The following RFC1 variants were observed in gnomAD, a reference collection of about 807,000 sequenced individuals.
The protein encoded by RFC1 is replication factor C subunit 1, also known as A1 140 kDa subunit.
In RFC1, 37 loss-of-function variants were observed where a neutral mutation model predicts 137.4. The ratio of observed to expected loss-of-function variants is 0.27; its 90% confidence interval spans 0.21 to 0.35. The LOEUF (loss-of-function observed/expected upper bound fraction) is 0.35, where lower values mean the gene tolerates loss of function less well. Among genes scored for constraint, RFC1 ranks in the 10% least tolerant of loss-of-function variants. RFC1 has a pLI of 1.00. For synonymous variants in RFC1, 429 were observed against 455.7 expected, an observed-to-expected ratio of 0.94 and a Z score of 0.75; for missense variants, 1,205 against 1,358.5, an observed-to-expected ratio of 0.89 and a Z score of 1.78.
At chr4:39,360,156 A>G (rs1266851055) in intron 1 of RFC1, among the ~76,000 whole-genome samples, 1 of 152,178 alleles carries the variant, frequency 6.6e-6, no homozygotes, top group Non-Finnish European at 1.5e-5. Context: ...GTTTCAGGTC[A>G]GGAGTTTGAG....
Position 39,311,491 on chromosome 4 carries a change from G to A in RFC1, c.1442C>T (p.Thr481Ile). The change falls in exon 12 of 25, where the codon ACT becomes ATT. Residue 481 changes from threonine to isoleucine, a missense_variant. Thr to Ile is a moderately conservative substitution (Grantham distance 89). This residue lies in a region of RFC1 where 962 missense variants were observed against 1,035.3 expected (regional missense o/e 0.93). Transcript: ENST00000349703. ...ATACTTGGATTTCTTGCCTGGCATA[G>A]TCCGAATCAGATTCAACAGGCCATC... ...DEDGLLNLIR[T>I]MPGKKSKYEI... 1.2e-6 allele frequency: 2 copies of A among 1,614,072 alleles called. No individual in the cohort carries two copies. Among genetic ancestry groups the A allele is most frequent in the Non-Finnish European group, 1.7e-6 (2 of 1,179,990 alleles).
intron 2 of RFC1, among the ~76,000 whole-genome samples, chr4:39,350,133 A>G (rs556656749): frequency 3.5e-4 from 54 of 152,316 alleles, no homozygotes; most frequent in African/African-American, 1.1e-3. Flanking sequence ...AAAATTCACT[A>G]GATAGCCTTA....
At chr4:39,346,732 C>T (rs1309287219) in intron 2 of RFC1, among the ~76,000 whole-genome samples, 2 of 152,040 alleles carry the variant, frequency 1.3e-5, no homozygotes, top group African/African-American at 4.8e-5. Context: ...TTTATATATA[C>T]CACTGGATCA....
intron 21 of RFC1, among the ~76,000 whole-genome samples, chr4:39,297,114 T>C (rs1455930340): frequency 1.5e-5 from 2 of 136,164 alleles, no homozygotes. Context: ...GTTTTTTTCT[T>C]GTAAATTTGG....
intron 21 of RFC1, among the ~76,000 whole-genome samples, chr4:39,297,990 G>A (rs1231456706): frequency 6.6e-6 from 1 of 152,088 alleles, no homozygotes; most frequent in Non-Finnish European, 1.5e-5. Flanking sequence ...CAATTATTAA[G>A]TAAACAAAAC....
intron 1 of RFC1, among the ~76,000 whole-genome samples, chr4:39,355,411 C>A (rs755731719): frequency 5.3e-5 from 8 of 151,100 alleles, no homozygotes; most frequent in Admixed American, 5.3e-4. Flanking sequence ...CCAGCCTGGG[C>A]AACAGAGCAA....
At chr4:39,309,120 G>C in intron 12 of RFC1, 88 bp from the exon 13 acceptor site, 1 of 1,413,986 alleles carries the variant, frequency 7.1e-7, no homozygotes. Context: ...AGAGCAATCA[G>C]AGATATCCAA....
intron 15 of RFC1, 55 bp from the exon 16 acceptor site, chr4:39,303,206 A>T: frequency 8.5e-7 from 1 of 1,171,636 alleles, no homozygotes; most frequent in South Asian, 1.2e-5. Flanking sequence ...ACAATTGCTC[A>T]AAAACTGCTG....
At chr4:39,303,896 G>C (rs116001434) in intron 15 of RFC1, among the ~76,000 whole-genome samples, 1 of 152,128 alleles carries the variant, frequency 6.6e-6, no homozygotes, top group Non-Finnish European at 1.5e-5. Flanking sequence ...TATATAGGAT[G>C]CTTCCAAGCT....
At chr4:39,318,732 G>GA (rs1474668542) in intron 9 of RFC1, among the ~76,000 whole-genome samples, 1 of 152,176 alleles carries the variant, frequency 6.6e-6, no homozygotes, top group African/African-American at 2.4e-5. Flanking sequence ...ATTTAGTGCA[G>GA]AAAAAATCTG....
chr4:39,306,669 C>T lies in RFC1; in HGVS notation c.1918G>A (p.Gly640Ser), dbSNP rs1135544. Residue 640 changes from glycine (G) to serine (S), a missense_variant, in exon 14 of 25, where the codon GGC becomes AGC. This residue lies in a region of RFC1 where 962 missense variants were observed against 1,035.3 expected (regional missense o/e 0.93). Transcript: ENST00000349703. The stretch of plus-strand genomic sequence containing the variant: ...AGCAACGCTGCTTTAAAACTAGAGC[C>T]ATCATCTTTGCCGGAAAATTTACCA... The part of the protein sequence containing the change: ...KFGKFSGKDD[G>S]SSFKAALLSG... 20 of 1,613,862 alleles carry T rather than the reference C, an allele frequency of 1.2e-5. No individual in the cohort carries two copies. The highest frequency in any genetic ancestry group is 1.6e-5 in the Non-Finnish European group (19 of 1,179,768).
intron 10 of RFC1, among the ~76,000 whole-genome samples, chr4:39,315,812 C>T (rs1739211164): frequency 6.6e-6 from 1 of 152,246 alleles, no homozygotes; most frequent in Non-Finnish European, 1.5e-5. Context: ...GTCCCTATCA[C>T]TTCTCACCAT....
At chr4:39,291,574 G>T in intron 23 of RFC1, 65 bp downstream of exon 23, 1 of 1,147,950 alleles carries the variant, frequency 8.7e-7, no homozygotes, top group Non-Finnish European at 1.3e-6. Context: ...AAACACCTCC[G>T]AAGTATTGTC....
intron 6 of RFC1, among the ~76,000 whole-genome samples, chr4:39,324,526 G>A (rs998064124): frequency 6.6e-6 from 1 of 152,200 alleles, no homozygotes; most frequent in Non-Finnish European, 1.5e-5. Context: ...TGTAGTTTAT[G>A]TAATTCAGTG....
chr4:39,328,366 G>A (rs1739891951), intron 4 of RFC1, among the ~76,000 whole-genome samples: 2 of 152,294 alleles, frequency 1.3e-5, no homozygotes, highest in Admixed American at 6.5e-5. Context: ...AAGTCTAGAA[G>A]AGGAAACAGA....
chr4:39,301,101 C>CAAAAAAAAAAAAAAAA (rs1738334636), intron 19 of RFC1, among the ~76,000 whole-genome samples: 1 of 148,076 alleles, frequency 6.8e-6, no homozygotes, highest in African/African-American at 2.5e-5. Flanking sequence ...AAAAAAAAAA[C>CAAAAAAAAAAAAAAAA]CAAAAAAAAC....
intron 4 of RFC1, among the ~76,000 whole-genome samples, chr4:39,328,590 G>A (rs1201670242): frequency 1.3e-5 from 2 of 152,206 alleles, no homozygotes; most frequent in East Asian, 1.9e-4. Flanking sequence ...GAAAAGCCGA[G>A]ACGGAAGTGT....
chr4:39,304,628 T>C (rs1393500475), intron 15 of RFC1, among the ~76,000 whole-genome samples, 186 bp downstream of exon 15: 3 of 152,196 alleles, frequency 2.0e-5, no homozygotes, highest in Non-Finnish European at 4.4e-5. Context: ...TAGAAACCTC[T>C]AAGACCTACG....
At position 39,304,837 on chromosome 4, in the gene RFC1, G is replaced by A; in HGVS notation, c.2087C>T (p.Thr696Ile). The A allele has an allele frequency of 1.2e-6, 2 of 1,607,464 alleles. No individual in the cohort carries two copies. The highest frequency in any genetic ancestry group is 1.1e-5 in the South Asian group (1 of 90,954). ...KAIVAESLNN[T>I]SIKGFYSNGA... Reference sequence around the variant, plus strand: ...ACTTGAATAAAAGCCTTTGATGCTGGTATTGTTCAGTGACTCAGCAACAAT... The same window carrying A: ...ACTTGAATAAAAGCCTTTGATGCTGATATTGTTCAGTGACTCAGCAACAAT... The change falls in exon 15 of 25, where the codon ACC becomes ATC. Residue 696 changes from threonine to isoleucine, a missense_variant. Coordinates refer to ENST00000349703, the MANE Select transcript of RFC1 (RefSeq NM_002913.5).
Sources: allele counts gnomAD v4.1 joint callset (sites outside exome capture counted in the v4.1 genomes callset), GRCh38; gene constraint gnomAD v4.1.1; regional missense constraint gnomAD v4.1.1; transcripts MANE v1.5; gene names NCBI Gene and HGNC (gene_info 2026-07-23, HGNC 2026-07-21).